The following LRRIQ3 variants were observed in gnomAD, a reference collection of about 807,000 sequenced individuals.
The protein encoded by LRRIQ3 is leucine rich repeats and IQ motif containing 3, also known as leucine-rich repeat and IQ domain-containing protein 3.
LRRIQ3 carries 75 observed loss-of-function variants against 59.3 expected under a neutral mutation model. The ratio of observed to expected loss-of-function variants is 1.26; its 90% CI spans 1.05 to 1.53. The LOEUF (loss-of-function observed/expected upper bound fraction) is 1.53. Ranked by LOEUF, LRRIQ3 falls within the 40% of genes most tolerant of loss-of-function variation. The pLI, the probability that LRRIQ3 is intolerant of heterozygous loss-of-function variation, is 0.00. For synonymous variants in LRRIQ3, 250 were observed against 231.3 expected (o/e 1.08, Z -0.73); for missense variants, 831 against 710.0 (o/e 1.17, Z -1.94).
At chr1:74,049,665 T>C (rs1654304041) in intron 6 of LRRIQ3, among the ~76,000 whole-genome samples, 1 of 152,128 alleles carries the variant, frequency 6.6e-6, no homozygotes, top group Non-Finnish European at 1.5e-5. Context: ...CTAGAAGAAA[T>C]ATTTTTATAT....
chr1:74,101,373 C>G (rs1420239252), intron 5 of LRRIQ3, among the ~76,000 whole-genome samples: 1 of 152,170 alleles, frequency 6.6e-6, no homozygotes, highest in Non-Finnish European at 1.5e-5. Context: ...CATCTCACAC[C>G]AGTTAGAATG....
At chr1:74,117,111 T>C (rs1332327424) in intron 4 of LRRIQ3, among the ~76,000 whole-genome samples, 1 of 152,112 alleles carries the variant, frequency 6.6e-6, no homozygotes, top group Non-Finnish European at 1.5e-5. Context: ...TTTCAGAACA[T>C]TTGTATATCA....
At chr1:74,120,053 A>G (rs1646830439) in intron 4 of LRRIQ3, among the ~76,000 whole-genome samples, 1 of 151,778 alleles carries the variant, frequency 6.6e-6, no homozygotes, top group Non-Finnish European at 1.5e-5. Context: ...ATTTATTTAT[A>G]TATGTTCAGG....
intron 4 of LRRIQ3, among the ~76,000 whole-genome samples, chr1:74,148,765 A>C (rs940754951): frequency 1.3e-5 from 2 of 152,210 alleles, no homozygotes; most frequent in Non-Finnish European, 2.9e-5. Flanking sequence ...CCTGCAACAT[A>C]ACATGACCAT....
intron 5 of LRRIQ3, among the ~76,000 whole-genome samples, chr1:74,076,969 A>C (rs1646216731): frequency 6.6e-6 from 1 of 152,092 alleles, no homozygotes; most frequent in Non-Finnish European, 1.5e-5. Flanking sequence ...AAAATTTTTC[A>C]ATGTTGCCAA....
At chr1:74,170,058 T>G (rs934875000) in intron 3 of LRRIQ3, among the ~76,000 whole-genome samples, 1 of 152,182 alleles carries the variant, frequency 6.6e-6, no homozygotes, top group South Asian at 2.1e-4. Context: ...TAAGAGTTCC[T>G]TATATAATTT....
At chr1:74,074,221 G>A (rs1646174395) in intron 6 of LRRIQ3, among the ~76,000 whole-genome samples, 1 of 151,996 alleles carries the variant, frequency 6.6e-6, no homozygotes, top group African/African-American at 2.4e-5. Flanking sequence ...TTCTGAATAT[G>A]TATATTTAGA....
chr1:74,034,126 C>T (rs1244711653), intron 7 of LRRIQ3, among the ~76,000 whole-genome samples: 1 of 151,898 alleles, frequency 6.6e-6, no homozygotes, highest in African/African-American at 2.4e-5. Context: ...GCTACATTCT[C>T]AATAATGACT....
intron 3 of LRRIQ3, among the ~76,000 whole-genome samples, chr1:74,164,815 G>A (rs1318486999): frequency 1.3e-5 from 2 of 151,372 alleles, no homozygotes; most frequent in Admixed American, 6.6e-5. Flanking sequence ...GACCTATTTT[G>A]AGTTAATTTT....
At chr1:74,096,049 T>C (rs563628821) in intron 5 of LRRIQ3, among the ~76,000 whole-genome samples, 1 of 152,052 alleles carries the variant, frequency 6.6e-6, no homozygotes, top group Non-Finnish European at 1.5e-5. Context: ...AAACCCATTT[T>C]ATTTTCATGA....
intron 3 of LRRIQ3, among the ~76,000 whole-genome samples, chr1:74,177,486 AAAG>A (rs998879283): frequency 4.6e-5 from 7 of 152,180 alleles, no homozygotes; most frequent in Admixed American, 1.3e-4. Context: ...CCTGACTAAT[AAAG>A]AAGAAGAAAA....
intron 7 of LRRIQ3, among the ~76,000 whole-genome samples, 184 bp downstream of exon 7, chr1:74,041,029 A>G (rs960077814): frequency 1.4e-5 from 2 of 140,630 alleles, no homozygotes; most frequent in African/African-American, 5.0e-5. Flanking sequence ...GGGGAAAGAC[A>G]GAGTTATTTT....
At position 74,093,089 on chromosome 1, in the gene LRRIQ3, T is replaced by A. The variant is rs147290475; in HGVS notation, c.867+16305A>T. On this transcript the variant is annotated intron_variant, in intron 5 of 7. Transcript: ENST00000354431. The stretch of plus-strand genomic sequence containing the variant: ...ATAGAAACTACTGACATCAAATAAA[T>A]CAGAAGCATACTAAGTTTTTGAATG... Among the ~76,000 whole-genome samples, 573 of 151,538 alleles carry A rather than the reference T, an allele frequency of 3.8e-3. 5 individuals carry two copies. The highest frequency in any genetic ancestry group is 0.013 in the African/African-American group (544 of 41,346).
intron 4 of LRRIQ3, among the ~76,000 whole-genome samples, chr1:74,120,692 C>T (rs915104454): frequency 2.0e-5 from 3 of 151,672 alleles, no homozygotes; most frequent in African/African-American, 4.8e-5. Context: ...AACTCCAAAA[C>T]AATGTTAAAA....
intron 4 of LRRIQ3, among the ~76,000 whole-genome samples, chr1:74,130,075 T>C (rs1468038411): frequency 6.6e-6 from 1 of 151,998 alleles, no homozygotes; most frequent in Admixed American, 6.6e-5. Flanking sequence ...TGAGGGGTGA[T>C]GCAAACCCTC....
chr1:74,166,730 G>A (rs908358498), intron 3 of LRRIQ3, among the ~76,000 whole-genome samples: 12 of 151,592 alleles, frequency 7.9e-5, no homozygotes, highest in Non-Finnish European at 1.5e-4. Context: ...CTTTGTATTT[G>A]TATTTTTATT....
At chr1:74,036,949 G>A (rs1653890403) in intron 7 of LRRIQ3, among the ~76,000 whole-genome samples, 1 of 152,106 alleles carries the variant, frequency 6.6e-6, no homozygotes, top group South Asian at 2.1e-4. Flanking sequence ...TTTACTCTAT[G>A]TTTAATATTA....
intron 3 of LRRIQ3, among the ~76,000 whole-genome samples, chr1:74,158,664 GA>G (rs920942096): frequency 6.6e-6 from 1 of 152,020 alleles, no homozygotes; most frequent in African/African-American, 2.4e-5. Flanking sequence ...TGTGTTCTTG[GA>G]AAACAGTGAA....
At chr1:74,030,170 A>G (rs865796945) in intron 7 of LRRIQ3, among the ~76,000 whole-genome samples, 1 of 152,264 alleles carries the variant, frequency 6.6e-6, no homozygotes, top group South Asian at 2.1e-4. Context: ...AGGAGAATCA[A>G]TATCATGAAA....
Sources: allele counts gnomAD v4.1 joint callset (sites outside exome capture counted in the v4.1 genomes callset), GRCh38; gene constraint gnomAD v4.1.1; transcripts MANE v1.5; gene names NCBI Gene and HGNC (gene_info 2026-07-23, HGNC 2026-07-21).